Variants in OR1F1 observed in about 807,000 individuals in gnomAD.
The protein encoded by OR1F1 is olfactory receptor family 1 subfamily F member 1.
For missense variants in OR1F1, 493 were observed against 376.3 expected (o/e 1.31, Z -2.57); for synonymous variants, 184 against 156.7 (o/e 1.17, Z -1.30).
chr16:3,192,109 T>G, the OR1F1 span, among the ~76,000 whole-genome samples: 1 of 152,108 alleles, frequency 6.6e-6, no homozygotes, highest in Admixed American at 6.5e-5. Context: ...CAGGCTGGAG[T>G]GCAGTGGCGC....
At chr16:3,190,736 G>A in the OR1F1 span, among the ~76,000 whole-genome samples, 2 of 120,500 alleles carry the variant, frequency 1.7e-5, no homozygotes, top group South Asian at 3.0e-4. Context: ...GGGTGACAAG[G>A]TAAGACTCTA....
the OR1F1 span, among the ~76,000 whole-genome samples, chr16:3,189,511 G>T: frequency 2.0e-5 from 3 of 152,204 alleles, no homozygotes; most frequent in African/African-American, 7.2e-5. Flanking sequence ...ATCCTCACTT[G>T]AAATTGCCCC....
At chr16:3,192,446 T>C in the OR1F1 span, among the ~76,000 whole-genome samples, 1 of 152,226 alleles carries the variant, frequency 6.6e-6, no homozygotes, top group Non-Finnish European at 1.5e-5. Flanking sequence ...ATTTATAAAA[T>C]ATAAAGTTAC....
upstream of OR1F1, among the ~76,000 whole-genome samples, chr16:3,199,908 C>T (rs1357570942): frequency 2.0e-5 from 3 of 151,454 alleles, no homozygotes; most frequent in Non-Finnish European, 4.4e-5. Flanking sequence ...CCCAGCTACT[C>T]GGGAGGCTGA....
At chr16:3,191,647 C>G in the OR1F1 span, among the ~76,000 whole-genome samples, 1 of 152,154 alleles carries the variant, frequency 6.6e-6, no homozygotes, top group Non-Finnish European at 1.5e-5. Flanking sequence ...GGTGCCACAT[C>G]GCGCTCTGTG....
chr16:3,204,655 A>G, exon 1 of OR1F1: 1 of 1,614,052 alleles, frequency 6.2e-7, no homozygotes, highest in Non-Finnish European at 8.5e-7. Context: ...AGCAAAGATG[A>G]CCCATCAGCT....
chr16:3,204,422 T>A (rs371331484), exon 1 of OR1F1: 1 of 1,614,158 alleles, frequency 6.2e-7, no homozygotes. Flanking sequence ...CACACCCCCA[T>A]GTACTTCTTC....
chr16:3,200,387 A>C (rs889970304), upstream of OR1F1, among the ~76,000 whole-genome samples: 2 of 152,206 alleles, frequency 1.3e-5, no homozygotes, highest in African/African-American at 4.8e-5. Context: ...GGGGCGGATC[A>C]CTTGAGCTCA....
the OR1F1 span, among the ~76,000 whole-genome samples, chr16:3,196,127 C>T: frequency 6.6e-6 from 1 of 152,232 alleles, no homozygotes; most frequent in Non-Finnish European, 1.5e-5. Context: ...AGCACACACT[C>T]CATTATCAGA....
chr16:3,188,719 G>A, the OR1F1 span, among the ~76,000 whole-genome samples: 1,274 of 152,238 alleles, frequency 8.4e-3, 24 homozygotes, highest in African/African-American at 0.029. Context: ...GGGACAGGGA[G>A]CCCCTTTTAG....
At chr16:3,195,572 C>G in the OR1F1 span, among the ~76,000 whole-genome samples, 1 of 151,344 alleles carries the variant, frequency 6.6e-6, no homozygotes, top group Admixed American at 6.6e-5. Context: ...ATCCCAGCTA[C>G]TCGGGAGGCT....
exon 1 of OR1F1, chr16:3,205,040 C>A: frequency 6.2e-7 from 1 of 1,614,108 alleles, no homozygotes; most frequent in South Asian, 1.1e-5. Flanking sequence ...CCTCTGTCCT[C>A]CCACTCAGCT....
chr16:3,204,170 C>A, upstream of OR1F1: 1 of 1,077,662 alleles, frequency 9.3e-7, no homozygotes, highest in Middle Eastern at 2.1e-4. Context: ...CATTCCTGTG[C>A]CCCATCTTAA....
the OR1F1 span, among the ~76,000 whole-genome samples, chr16:3,197,117 C>G: frequency 1.3e-5 from 2 of 151,852 alleles, no homozygotes; most frequent in African/African-American, 4.8e-5. Context: ...CTCAGGTGAT[C>G]CGCTCTCCTC....
chr16:3,188,840 C>T, the OR1F1 span, among the ~76,000 whole-genome samples: 1 of 152,218 alleles, frequency 6.6e-6, no homozygotes, highest in Admixed American at 6.5e-5. Context: ...GCCCCACGGC[C>T]TTCATTCTTG....
chr16:3,200,619 A>C (rs1388614703), upstream of OR1F1, among the ~76,000 whole-genome samples: 1 of 152,220 alleles, frequency 6.6e-6, no homozygotes, highest in Non-Finnish European at 1.5e-5. Context: ...ACAAACAAAA[A>C]ACGAATAAAC....
chr16:3,199,115 C>CAAAAAA, the OR1F1 span, among the ~76,000 whole-genome samples: 132 of 52,570 alleles, frequency 2.5e-3, 14 homozygotes, highest in Non-Finnish European at 3.5e-3. Flanking sequence ...CCTGTCTCTA[C>CAAAAAA]AAAAAAAAAA....
chr16:3,193,058 T>C, the OR1F1 span, among the ~76,000 whole-genome samples: 2 of 152,184 alleles, frequency 1.3e-5, no homozygotes, highest in African/African-American at 4.8e-5. Flanking sequence ...TGTCTCAGCC[T>C]TCCGAGTAGT....
At chr16:3,189,337 A>T in the OR1F1 span, among the ~76,000 whole-genome samples, 1 of 152,042 alleles carries the variant, frequency 6.6e-6, no homozygotes, top group African/African-American at 2.4e-5. Flanking sequence ...CGGAAGCTGG[A>T]GCTCCTCACT....
Sources: allele counts gnomAD v4.1 joint callset (sites outside exome capture counted in the v4.1 genomes callset), GRCh38; gene constraint gnomAD v4.1.1; transcripts MANE v1.5; gene names NCBI Gene and HGNC (gene_info 2026-07-23, HGNC 2026-07-21).